NFKBIZ: variants seen among roughly 807,000 people sequenced by gnomAD.
NFKBIZ encodes the protein NF-kappa-B inhibitor zeta.
NFKBIZ carries 19 observed loss-of-function variants against 76.8 expected under a neutral mutation model. The observed-to-expected ratio is 0.25, with a 90% CI of 0.17 to 0.36. NFKBIZ has a LOEUF of 0.36. Ranked by LOEUF, NFKBIZ falls within the 10% of genes least tolerant of loss-of-function variation. NFKBIZ has a pLI of 1.00. For missense variants in NFKBIZ, 829 were observed against 910.9 expected, an observed-to-expected ratio of 0.91 and a Z score of 1.16; for synonymous variants, 368 against 354.8, an observed-to-expected ratio of 1.04 and a Z score of -0.42.
intron 2 of NFKBIZ, among the ~76,000 whole-genome samples, chr3:101,839,839 A>T (rs539018701): frequency 1.3e-5 from 2 of 152,320 alleles, no homozygotes; most frequent in East Asian, 3.9e-4. Context: ...TTGTAGTACA[A>T]TGTAAATTAG....
At chr3:101,843,699 A>G (rs1342762977) in intron 2 of NFKBIZ, among the ~76,000 whole-genome samples, 3 of 152,222 alleles carry the variant, frequency 2.0e-5, no homozygotes, top group East Asian at 3.8e-4. Flanking sequence ...CTTCTGATAC[A>G]TTAAAATCCA....
At chr3:101,854,983 A>T (rs1943027752) in intron 6 of NFKBIZ, 79 bp from the exon 7 acceptor site, 2 of 1,432,108 alleles carry the variant, frequency 1.4e-6, no homozygotes, top group South Asian at 1.4e-5. Flanking sequence ...TTTTTCCCTC[A>T]GTCATAGTTT....
intron 2 of NFKBIZ, among the ~76,000 whole-genome samples, chr3:101,836,480 A>T (rs554689588): frequency 4.6e-5 from 7 of 152,290 alleles, no homozygotes; most frequent in Admixed American, 3.3e-4. Context: ...TGTCTTTCCC[A>T]GTAGAATGTA....
rs1943072749 is a variant in NFKBIZ at position 101,857,818 on chromosome 3, A to C, written c.2103+359A>C. The C allele has an allele frequency of 1.3e-5, 13 of 983,654 alleles. 2 individuals are homozygous for C. The South Asian group carries it at 6.1e-4, about 46-fold the overall frequency. 60.9% of individuals were successfully genotyped at this position (983,654 alleles called of 1,614,324 possible). A position where few individuals can be genotyped will look rare whatever the true frequency, so the allele number is the denominator to read the frequency against. The stretch of plus-strand genomic sequence containing the variant: ...AGTCTTGTAATGTATGAGCCTTCAA[A>C]TATTGTGGATATTAAATGAGTTGTT... On this transcript the variant is annotated intron_variant, in intron 11 of 11. Transcript: ENST00000326172.
intron 2 of NFKBIZ, among the ~76,000 whole-genome samples, chr3:101,839,955 T>C (rs1233764260): frequency 1.3e-5 from 2 of 152,278 alleles, no homozygotes; most frequent in African/African-American, 2.4e-5. Context: ...TATTACTGTC[T>C]AGAATCTGCG....
At chr3:101,834,316 C>T (rs1483479007) in intron 2 of NFKBIZ, among the ~76,000 whole-genome samples, 1 of 151,262 alleles carries the variant, frequency 6.6e-6, no homozygotes, top group African/African-American at 2.4e-5. Flanking sequence ...TTACCTCCTT[C>T]TCTCTCTCTC....
intron 2 of NFKBIZ, among the ~76,000 whole-genome samples, chr3:101,837,455 A>G (rs1417097237): frequency 6.7e-6 from 1 of 149,596 alleles, no homozygotes; most frequent in Non-Finnish European, 1.5e-5. Context: ...ATTGAGCCAC[A>G]GCACTTAGCT....
intron 2 of NFKBIZ, among the ~76,000 whole-genome samples, chr3:101,843,893 C>G (rs1942817771): frequency 6.6e-6 from 1 of 152,188 alleles, no homozygotes; most frequent in Non-Finnish European, 1.5e-5. Flanking sequence ...AAAAAGTCTT[C>G]TAGAACTAGG....
rs1173609917 is a variant in NFKBIZ at position 101,849,737 on chromosome 3, G to C, written c.109G>C (p.Gly37Arg). The change falls in exon 1 of 12, where the codon GGC becomes CGC. Residue 37 changes from glycine to arginine, a missense_variant. Coordinates refer to ENST00000326172, the MANE Select transcript of NFKBIZ (RefSeq NM_031419.4). ...CCCGCTCAACCTGAGCTACTTCTAC[G>C]GCGCGTCGCCGCCCGCCGCCGCCCC... The part of the protein sequence containing the change: ...TSPLNLSYFY[G>R]ASPPAAAPGA... The C allele has an allele frequency of 6.9e-7, 1 of 1,448,714 alleles. No homozygotes were observed. The highest frequency in any genetic ancestry group is 9.0e-7 in the Non-Finnish European group (1 of 1,105,568). The allele number at this position is 1,448,714 out of a possible 1,614,324, so 89.7% of individuals were successfully genotyped here. A position where few individuals can be genotyped will look rare whatever the true frequency, so the allele number is the denominator to read the frequency against.
upstream of NFKBIZ, among the ~76,000 whole-genome samples, chr3:101,844,990 G>A (rs189276556): frequency 1.3e-5 from 2 of 152,174 alleles, no homozygotes; most frequent in Admixed American, 6.5e-5. Context: ...AATTCTGGCC[G>A]GGCACGGTGG....
Position 101,853,566 on chromosome 3 carries a change from A to C in NFKBIZ, c.1040A>C (p.Gln347Pro). The C allele has an allele frequency of 6.2e-7, 1 of 1,614,220 alleles. No homozygotes were observed. ...NQSLVSLLGD[Q>P]RESENIANPM... Reference sequence around the variant, plus strand: ...AGCTTAGTTTCCCTTCTTGGTGATCAAAGGGAATCTGAGAATATTGCTAAT... The same window carrying C: ...AGCTTAGTTTCCCTTCTTGGTGATCCAAGGGAATCTGAGAATATTGCTAAT... The change falls in exon 5 of 12, where the codon CAA becomes CCA. Residue 347 changes from glutamine to proline, a missense_variant. Gln to Pro is a moderately conservative substitution (Grantham distance 76, BLOSUM62 -1). Around this residue, in one of 4 missense-constraint regions of NFKBIZ, gnomAD observed 371 missense variants for 332.3 expected, o/e 1.12. Transcript: ENST00000326172.
In NFKBIZ at chr3:101,850,013, C is replaced by T. The variant is rs1942925908; in HGVS notation, c.289+96C>T. 1.9e-5 allele frequency: 23 copies of T among 1,180,894 alleles called. 1 individual carries two copies. In the South Asian group the frequency reaches 4.5e-4, roughly 23 times the overall value. 73.2% of individuals were successfully genotyped at this position (1,180,894 alleles called of 1,614,324 possible). ...AGATGGAGGGTGGCCCCTGCGCCCTCCTTAGAGCTAGGACGTACGCACCTT... is the reference window on the plus strand; with the variant it reads ...AGATGGAGGGTGGCCCCTGCGCCCTTCTTAGAGCTAGGACGTACGCACCTT... On this transcript the variant is annotated intron_variant, in intron 1 of 11. Transcript: ENST00000326172.
chr3:101,849,544 G>C lies in NFKBIZ; in HGVS notation c.-85G>C, dbSNP rs997843228. The C allele has an allele frequency of 1.7e-6, 2 of 1,188,732 alleles. No homozygotes were observed. Among genetic ancestry groups the C allele is most frequent in the Admixed American group, 4.3e-5 (1 of 23,276 alleles). 73.6% of individuals were successfully genotyped at this position (1,188,732 alleles called of 1,614,324 possible). A position where few individuals can be genotyped will look rare whatever the true frequency, so the allele number is the denominator to read the frequency against. On this transcript the variant is annotated 5_prime_UTR_variant, in exon 1 of 12. Coordinates refer to ENST00000326172, the MANE Select transcript of NFKBIZ (RefSeq NM_031419.4). ...GGCCCGCGCCGTCCGCCCGCCGACA[G>C]CTCCCTGAGCCAGCCCGGGAGGCAG...
chr3:101,835,030 T>G (rs1370254486), intron 2 of NFKBIZ, among the ~76,000 whole-genome samples: 1 of 152,210 alleles, frequency 6.6e-6, no homozygotes, highest in East Asian at 1.9e-4. Context: ...AATTAGAACT[T>G]TGAAAAATGA....
At chr3:101,836,626 A>C (rs1048904152) in intron 2 of NFKBIZ, among the ~76,000 whole-genome samples, 3 of 152,230 alleles carry the variant, frequency 2.0e-5, no homozygotes, top group Admixed American at 2.0e-4. Context: ...TATAATCAAT[A>C]TAATTTAATT....
upstream of NFKBIZ, among the ~76,000 whole-genome samples, chr3:101,847,772 G>A (rs545866822): frequency 7.9e-5 from 12 of 152,276 alleles, no homozygotes; most frequent in African/African-American, 2.6e-4. Context: ...TCATTTTGTG[G>A]GGTATGGCTG....
At chr3:101,829,970 A>G (rs1366521802) in intron 2 of NFKBIZ, among the ~76,000 whole-genome samples, 1 of 152,122 alleles carries the variant, frequency 6.6e-6, no homozygotes, top group Non-Finnish European at 1.5e-5. Context: ...GGACATATGA[A>G]TACATCTAAG....
At position 101,859,388 on chromosome 3, in the gene NFKBIZ, C is replaced by G; in HGVS notation, c.*17C>G. 6.2e-7 allele frequency: 1 copy of G among 1,611,160 alleles called. No homozygotes were observed. Among genetic ancestry groups the G allele is most frequent in the East Asian group, 2.2e-5 (1 of 44,832 alleles). On this transcript the variant is annotated 3_prime_UTR_variant, in exon 12 of 12. Transcript: ENST00000326172. Reference sequence around the variant, plus strand: ...CCGTATTAGCTCCATTAGCTTGGAGCCTGGCTAGCAACACTCACTGTCAGT... The same window carrying G: ...CCGTATTAGCTCCATTAGCTTGGAGGCTGGCTAGCAACACTCACTGTCAGT...
At chr3:101,832,735 G>A (rs530845897) in intron 2 of NFKBIZ, among the ~76,000 whole-genome samples, 1 of 152,248 alleles carries the variant, frequency 6.6e-6, no homozygotes, top group African/African-American at 2.4e-5. Context: ...TGGACACTTG[G>A]ATTGTTTCTT....
Sources: allele counts gnomAD v4.1 joint callset (sites outside exome capture counted in the v4.1 genomes callset), GRCh38; gene constraint gnomAD v4.1.1; regional missense constraint gnomAD v4.1.1; transcripts MANE v1.5; gene names NCBI Gene and HGNC (gene_info 2026-07-23, HGNC 2026-07-21).